The following SOHLH1 variants were observed in gnomAD, a reference collection of about 807,000 sequenced individuals.
SOHLH1 encodes spermatogenesis and oogenesis specific basic helix-loop-helix 1, also known as spermatogenesis- and oogenesis-specific basic helix-loop-helix-containing protein 1.
In SOHLH1, 23 loss-of-function variants were observed where a neutral mutation model predicts 36.2. That is an observed-to-expected ratio of 0.64 (90% CI 0.46 to 0.90). SOHLH1 has a LOEUF of 0.90. Among genes scored for constraint, SOHLH1 ranks in the 40% least tolerant of loss-of-function variants. The pLI, the probability that SOHLH1 is intolerant of heterozygous loss-of-function variation, is 0.00. For missense variants in SOHLH1, 608 were observed against 517.0 expected, an observed-to-expected ratio of 1.18 and a Z score of -1.71; for synonymous variants, 289 against 228.3, an observed-to-expected ratio of 1.27 and a Z score of -2.40.
intron 4 of SOHLH1, among the ~76,000 whole-genome samples, chr9:135,697,300 A>C (rs1035166541): frequency 1.3e-5 from 2 of 152,076 alleles, no homozygotes; most frequent in Non-Finnish European, 2.9e-5. Flanking sequence ...AATTCTGCTG[A>C]CCGCGCTCCC....
intron 5 of SOHLH1, 36 bp from the exon 6 acceptor site, chr9:135,695,299 G>A (rs1425300697): frequency 6.4e-7 from 1 of 1,556,678 alleles, no homozygotes; most frequent in East Asian, 2.3e-5. Context: ...AGCCTTCCCT[G>A]CCCAGCCCCA....
At chr9:135,695,017 A>G (rs756014216) in intron 6 of SOHLH1, 33 bp downstream of exon 6, 62 of 1,562,702 alleles carry the variant, frequency 4.0e-5, no homozygotes, top group Non-Finnish European at 5.3e-5. Flanking sequence ...TCGCTCACGC[A>G]CACACAGGCG....
At position 135,693,667 on chromosome 9, in the gene SOHLH1, T is replaced by A. The variant is rs771082151; in HGVS notation, c.1094A>T (p.Asp365Val). Residue 365 changes from aspartate to valine, a missense_variant, in exon 8 of 8, where the codon GAT (aspartate) becomes GTT (valine). Physicochemically the swap from Asp to Val is radical, Grantham distance 152. Transcript: ENST00000425225. ...QDSPLEPWGLDVDCAGLALKD... is the reference protein window; with the variant it reads ...QDSPLEPWGLVVDCAGLALKD... ...CAGGGCCAGGCCTGCACAGTCCACA[T>A]CCAGGCCCCACGGCTCCAGAGGGCT... The A allele has an allele frequency of 6.3e-7, 1 of 1,587,056 alleles. No homozygotes were observed. The highest frequency in any genetic ancestry group is 1.7e-4 in the Middle Eastern group (1 of 6,024).
chr9:135,699,317 A>G (rs1834943179), intron 1 of SOHLH1, 86 bp downstream of exon 1: 7 of 1,514,430 alleles, frequency 4.6e-6, no homozygotes, highest in Non-Finnish European at 6.3e-6. Flanking sequence ...GAGGCCCAGG[A>G]TGGGTGGAGC....
chr9:135,695,700 T>G (rs2131289144), intron 5 of SOHLH1, among the ~76,000 whole-genome samples: 1 of 152,218 alleles, frequency 6.6e-6, no homozygotes, highest in Non-Finnish European at 1.5e-5. Context: ...CAGCCACAGC[T>G]GGGAGCCAAA....
In SOHLH1 at chr9:135,697,633, A is replaced by G; in HGVS notation, c.346-6T>C. ...TCCTTGGAGGAAGCAAGAATCTGAA[A>G]TTTAAGTAAACATGTAAAACAAAGA... On this transcript the variant is annotated splice_polypyrimidine_tract_variant and splice_region_variant and intron_variant, in intron 3 of 7. Transcript: ENST00000425225. 1 of 1,610,124 alleles carries G rather than the reference A, an allele frequency of 6.2e-7. No homozygotes were observed. Among genetic ancestry groups the G allele is most frequent in the Non-Finnish European group, 8.5e-7 (1 of 1,178,402 alleles).
intron 1 of SOHLH1, 62 bp downstream of exon 1, chr9:135,699,341 G>A (rs1485549432): frequency 5.8e-6 from 9 of 1,558,374 alleles, no homozygotes; most frequent in African/African-American, 2.7e-5. Context: ...GCAACTTGCG[G>A]AAGAACCCCT....
At chr9:135,695,298 T>A in intron 5 of SOHLH1, 35 bp from the exon 6 acceptor site, 1 of 1,557,940 alleles carries the variant, frequency 6.4e-7, no homozygotes, top group East Asian at 2.3e-5. Flanking sequence ...CAGCCTTCCC[T>A]GCCCAGCCCC....
At chr9:135,699,501 G>T (rs1327949304), upstream of SOHLH1, 4 of 1,601,998 alleles carry the variant, frequency 2.5e-6, no homozygotes, top group Non-Finnish European at 2.6e-6. Context: ...CCACGCGCAC[G>T]GCCCCTTCCG....
upstream of SOHLH1, among the ~76,000 whole-genome samples, chr9:135,701,185 C>G (rs1164324157): frequency 6.6e-6 from 1 of 152,216 alleles, no homozygotes; most frequent in African/African-American, 2.4e-5. Context: ...GGCTGAACCT[C>G]TGCTGGGGAC....
intron 6 of SOHLH1, among the ~76,000 whole-genome samples, 159 bp from the exon 7 acceptor site, chr9:135,694,616 A>G (rs553512803): frequency 6.6e-6 from 1 of 152,264 alleles, no homozygotes; most frequent in East Asian, 1.9e-4. Context: ...AGAAATGCAG[A>G]GGCCACAGCC....
intron 3 of SOHLH1, among the ~76,000 whole-genome samples, chr9:135,698,091 A>C (rs956976547): frequency 6.6e-6 from 1 of 151,980 alleles, no homozygotes; most frequent in Non-Finnish European, 1.5e-5. Flanking sequence ...AATGAACAGG[A>C]CTCAGGGGCA....
At chr9:135,700,616 C>CTG (rs1834997990), upstream of SOHLH1, among the ~76,000 whole-genome samples, 1 of 152,178 alleles carries the variant, frequency 6.6e-6, no homozygotes, top group Non-Finnish European at 1.5e-5. Context: ...CCCCAGTCTC[C>CTG]TGTGGAGAAG....
At chr9:135,698,070 G>A (rs1207064279) in intron 3 of SOHLH1, among the ~76,000 whole-genome samples, 5 of 152,090 alleles carry the variant, frequency 3.3e-5, no homozygotes, top group Admixed American at 6.6e-5. Context: ...GGAGCATCTC[G>A]GCAACCCATC....
chr9:135,694,001 A>G, intron 7 of SOHLH1, 187 bp from the exon 8 acceptor site: 1 of 1,428,854 alleles, frequency 7.0e-7, no homozygotes, highest in Non-Finnish European at 9.1e-7. Flanking sequence ...CACCTGTTGG[A>G]CCAGAACCAG....
intron 5 of SOHLH1, among the ~76,000 whole-genome samples, chr9:135,696,399 CGA>C (rs1278471540): frequency 3.9e-5 from 6 of 152,166 alleles, no homozygotes; most frequent in African/African-American, 1.2e-4. Flanking sequence ...TCCTCCCTCC[CGA>C]GAGCACACGT....
chr9:135,699,139 C>T lies in SOHLH1; in HGVS notation c.66-13G>A. 6.3e-7 allele frequency: 1 copy of T among 1,587,446 alleles called. No individual in the cohort carries two copies. The highest frequency in any genetic ancestry group is 8.5e-7 in the Non-Finnish European group (1 of 1,170,424). On this transcript the variant is annotated splice_polypyrimidine_tract_variant and intron_variant, in intron 1 of 7. Coordinates refer to ENST00000425225, the MANE Select transcript of SOHLH1 (RefSeq NM_001101677.2). Reference sequence around the variant, plus strand: ...AGACAGGGAGCCGCTGCCGAGAAAGCCAAGAGCACCGGGCCCTGAGAACCC... The same window carrying T: ...AGACAGGGAGCCGCTGCCGAGAAAGTCAAGAGCACCGGGCCCTGAGAACCC...
Position 135,695,111 on chromosome 9 carries a change from T to C in SOHLH1, c.814A>G (p.Met272Val). 1 of 1,598,946 alleles carries C rather than the reference T, an allele frequency of 6.3e-7. No homozygotes were observed. The highest frequency in any genetic ancestry group is 1.7e-5 in the Admixed American group (1 of 58,486). Residue 272 changes from methionine to valine, a missense_variant, in exon 6 of 8, where the codon ATG (methionine) becomes GTG (valine). Met to Val is a conservative substitution (Grantham distance 21, BLOSUM62 1). Coordinates refer to ENST00000425225, the MANE Select transcript of SOHLH1 (RefSeq NM_001101677.2). ...GGCTCCCCCAGAGGTGCAGCCCCCA[T>C]GGCCAGGGGCCCAGCCTGGCCCAGC... The part of the protein sequence containing the change: ...GWLGQAGPLA[M>V]GAAPLGEPAK...
chr9:135,695,111 T>A lies in SOHLH1; in HGVS notation c.814A>T (p.Met272Leu), dbSNP rs1377686175. ...GWLGQAGPLA[M>L]GAAPLGEPAK... ...GGCTCCCCCAGAGGTGCAGCCCCCA[T>A]GGCCAGGGGCCCAGCCTGGCCCAGC... Residue 272 changes from methionine to leucine, a missense_variant, in exon 6 of 8, where the codon ATG (methionine) becomes TTG (leucine). Physicochemically the swap from Met to Leu is conservative, Grantham distance 15. Transcript: ENST00000425225. 3 of 1,598,828 alleles carry A rather than the reference T, an allele frequency of 1.9e-6. No homozygotes were observed. The highest frequency in any genetic ancestry group is 2.6e-6 in the Non-Finnish European group (3 of 1,175,056).
Sources: allele counts gnomAD v4.1 joint callset (sites outside exome capture counted in the v4.1 genomes callset), GRCh38; gene constraint gnomAD v4.1.1; transcripts MANE v1.5; gene names NCBI Gene and HGNC (gene_info 2026-07-23, HGNC 2026-07-21).